The following IL13RA1 variants were observed in gnomAD, a reference collection of about 807,000 sequenced individuals.
IL13RA1 encodes interleukin-13 receptor subunit alpha-1.
Under a neutral mutation model 33.8 loss-of-function variants are expected in IL13RA1, and 14 were observed. The ratio of observed to expected loss-of-function variants is 0.41; its 90% CI spans 0.27 to 0.65. The LOEUF is 0.65. Ranked by LOEUF, IL13RA1 falls within the 30% of genes least tolerant of loss-of-function variation. The pLI is 0.28. For synonymous variants in IL13RA1, 116 were observed against 115.7 expected (o/e 1.00, Z -0.02); for missense variants, 313 against 327.0 (o/e 0.96, Z 0.33).
At chrX:118,742,214 G>A (rs992311778) in intron 2 of IL13RA1, among the ~76,000 whole-genome samples, 4 of 112,078 alleles carry the variant, frequency 3.6e-5, no homozygotes, top group Admixed American at 2.8e-4. Flanking sequence ...TGGTTTAGGC[G>A]TTAATTGATA....
At chrX:118,783,413 G>C (rs999891843) in intron 10 of IL13RA1, among the ~76,000 whole-genome samples, 1 of 111,550 alleles carries the variant, frequency 9.0e-6, no homozygotes, top group African/African-American at 3.3e-5. Flanking sequence ...TTTAAAATTA[G>C]ACAGGCATAT....
At chrX:118,786,457 A>G (rs1308981832) in intron 10 of IL13RA1, among the ~76,000 whole-genome samples, 1 of 111,576 alleles carries the variant, frequency 9.0e-6, no homozygotes, top group Non-Finnish European at 1.9e-5. Context: ...CTGGTCTCAA[A>G]TTCCTGGGCT....
chrX:118,731,594 A>G (rs1322774782), intron 1 of IL13RA1, among the ~76,000 whole-genome samples: 3 of 108,373 alleles, frequency 2.8e-5, no homozygotes, highest in African/African-American at 1.0e-4. Flanking sequence ...AAAAAAAAAA[A>G]GCAACTCTTT....
chrX:118,758,447 C>G (rs1251240034), intron 5 of IL13RA1, among the ~76,000 whole-genome samples: 1 of 111,988 alleles, frequency 8.9e-6, no homozygotes, highest in Non-Finnish European at 1.9e-5. Flanking sequence ...GTGCCAGATG[C>G]TTTATCCTTG....
the IL13RA1 span, among the ~76,000 whole-genome samples, chrX:118,799,594 A>G: frequency 3.2e-4 from 36 of 111,040 alleles, no homozygotes; most frequent in African/African-American, 9.2e-4. Flanking sequence ...TTGTAAACAC[A>G]CCAATCATCA....
chrX:118,795,207 G>A (rs1158289192), downstream of IL13RA1, among the ~76,000 whole-genome samples: 3 of 50,753 alleles, frequency 5.9e-5, no homozygotes, highest in South Asian at 1.0e-3. Flanking sequence ...GCGAGACTCC[G>A]TCTCAAAAAA....
intron 2 of IL13RA1, among the ~76,000 whole-genome samples, chrX:118,744,537 C>T (rs948156650): frequency 5.4e-5 from 6 of 111,164 alleles, no homozygotes; most frequent in Non-Finnish European, 7.5e-5. Context: ...ATAGCTGGAA[C>T]TACAGGTGCA....
At chrX:118,774,012 A>G in intron 9 of IL13RA1, 37 bp downstream of exon 9, 1 of 630,127 alleles carries the variant, frequency 1.6e-6, no homozygotes, top group East Asian at 3.3e-5. Flanking sequence ...GCAGTTTCTG[A>G]TAGCCTGTTT....
downstream of IL13RA1, among the ~76,000 whole-genome samples, chrX:118,798,276 A>G (rs2018042588): frequency 9.3e-6 from 1 of 108,096 alleles, no homozygotes; most frequent in Non-Finnish European, 1.9e-5. Flanking sequence ...TATGCACTGT[A>G]CCATTAATTA....
the IL13RA1 span, among the ~76,000 whole-genome samples, chrX:118,803,459 A>G: frequency 8.9e-6 from 1 of 112,547 alleles, no homozygotes; most frequent in African/African-American, 3.2e-5. Flanking sequence ...ATACTTTAGT[A>G]TATATCTCTA....
At chrX:118,789,548 A>G (rs2495633) in intron 10 of IL13RA1, among the ~76,000 whole-genome samples, 18,826 of 111,074 alleles carry the variant, frequency 0.17, 1,469 homozygotes, top group East Asian at 0.43. Context: ...TTCTTGTTCC[A>G]CGTCCATTTT....
intron 8 of IL13RA1, among the ~76,000 whole-genome samples, chrX:118,771,738 G>C (rs1424805067): frequency 8.9e-6 from 1 of 112,274 alleles, no homozygotes; most frequent in Non-Finnish European, 1.9e-5. Context: ...ACTTTGGGAG[G>C]CTGAGGCGGG....
At chrX:118,782,549 A>G (rs192469096) in intron 10 of IL13RA1, among the ~76,000 whole-genome samples, 1 of 110,366 alleles carries the variant, frequency 9.1e-6, no homozygotes, top group African/African-American at 3.3e-5. Context: ...ACCTCATAGT[A>G]CCAAGTTATT....
At chrX:118,728,134 T>G (rs182885705) in intron 1 of IL13RA1, among the ~76,000 whole-genome samples, 4 of 111,716 alleles carry the variant, frequency 3.6e-5, no homozygotes, top group Non-Finnish European at 5.7e-5. Context: ...CGGGAGGAAA[T>G]GAGGCGCCAG....
At chrX:118,732,058 T>C (rs1414015310) in intron 1 of IL13RA1, among the ~76,000 whole-genome samples, 1 of 112,039 alleles carries the variant, frequency 8.9e-6, no homozygotes, top group Non-Finnish European at 1.9e-5. Flanking sequence ...AAAATACACA[T>C]AAAATTTACC....
At chrX:118,763,520 C>G (rs1470833628) in intron 6 of IL13RA1, among the ~76,000 whole-genome samples, 1 of 112,418 alleles carries the variant, frequency 8.9e-6, no homozygotes. Context: ...TCAATACTTC[C>G]TCTTAATAGC....
chrX:118,775,428 C>G (rs111443308), intron 9 of IL13RA1, among the ~76,000 whole-genome samples: 15 of 111,375 alleles, frequency 1.3e-4, no homozygotes, highest in African/African-American at 4.6e-4. Flanking sequence ...GTCTGAGTTA[C>G]TGTCATAAAG....
chrX:118,770,205 G>T (rs565331542), intron 8 of IL13RA1: 2 of 294,801 alleles, frequency 6.8e-6, no homozygotes, highest in Non-Finnish European at 1.3e-5. Flanking sequence ...TGCCCAGCAC[G>T]CTGCACCATC....
chrX:118,800,481 A>G, the IL13RA1 span, among the ~76,000 whole-genome samples: 4 of 110,823 alleles, frequency 3.6e-5, no homozygotes, highest in Admixed American at 3.8e-4. Context: ...CAAGGTCTGC[A>G]GCTTCACTCA....
Sources: allele counts gnomAD v4.1 joint callset (sites outside exome capture counted in the v4.1 genomes callset), GRCh38; gene constraint gnomAD v4.1.1; transcripts MANE v1.5; gene names NCBI Gene and HGNC (gene_info 2026-07-23, HGNC 2026-07-21).